The following SHF variants were observed in gnomAD, a reference collection of about 807,000 sequenced individuals.
SHF encodes the protein Src homology 2 domain containing F, also known as SH2 domain-containing adapter protein F.
A neutral mutation model predicts 42.4 loss-of-function variants in SHF; 30 were observed. The ratio of observed to expected loss-of-function variants is 0.71; its 90% confidence interval spans 0.53 to 0.96. The LOEUF (loss-of-function observed/expected upper bound fraction) is 0.96. Among genes scored for constraint, SHF ranks in the 40% least tolerant of loss-of-function variants. The pLI, the probability that SHF is intolerant of heterozygous loss-of-function variation, is 0.00. For missense variants in SHF, 598 were observed against 634.0 expected (o/e 0.94, Z 0.61); for synonymous variants, 264 against 269.9 (o/e 0.98, Z 0.21).
At chr15:45,189,495 G>A (rs1360977414), upstream of SHF, among the ~76,000 whole-genome samples, 1 of 146,114 alleles carries the variant, frequency 6.8e-6, no homozygotes, top group African/African-American at 2.5e-5. Context: ...TTCAAGCAAT[G>A]CTCCCAGCTC....
chr15:45,179,883 A>T (rs1898033366), intron 1 of SHF, among the ~76,000 whole-genome samples: 1 of 152,162 alleles, frequency 6.6e-6, no homozygotes, highest in South Asian at 2.1e-4. Context: ...GGTTAGAGCA[A>T]CTGGGAATGG....
At chr15:45,176,462 G>A (rs918034058) in intron 2 of SHF, among the ~76,000 whole-genome samples, 2 of 151,332 alleles carry the variant, frequency 1.3e-5, no homozygotes, top group African/African-American at 2.4e-5. Context: ...TCCTCCCCAC[G>A]GACCCGGCAA....
Position 45,187,919 on chromosome 15 carries a change from G to A in SHF, c.33C>T (p.Ser11=), listed in dbSNP as rs1898550104. ...TCCCCTGCGTTCGCGGCCCCGGGCG[G>A]GAGCCAGCCGGAGGAGCTCCGCTCA... MLLSGAPPAG[S]RPGPRTQGSA... is the part of the protein sequence containing the mutation. Residue 11 remains serine (S), a synonymous_variant, in exon 1 of 7, where the codon TCC becomes TCT. Transcript: ENST00000690270. 1 of 1,185,668 alleles carries A rather than the reference G, an allele frequency of 8.4e-7. No homozygotes were observed. The highest frequency in any genetic ancestry group is 4.3e-5 in the South Asian group (1 of 23,342). 73.4% of individuals were successfully genotyped at this position (1,185,668 alleles called of 1,614,324 possible). A position where few individuals can be genotyped will look rare whatever the true frequency, so the allele number is the denominator to read the frequency against.
intron 2 of SHF, among the ~76,000 whole-genome samples, chr15:45,176,428 T>C (rs1648306): frequency 0.72 from 108,922 of 150,404 alleles, 42,195 homozygotes; most frequent in Non-Finnish European, 0.88. Flanking sequence ...TTCTCCAAAA[T>C]GACTATTGGA....
exon 1 of SHF, chr15:45,201,057 T>A (rs1382173839): frequency 2.9e-6 from 1 of 347,492 alleles, no homozygotes; most frequent in Non-Finnish European, 5.7e-6. Flanking sequence ...AGGAACCTGG[T>A]AGATAATGGA....
chr15:45,200,301 T>G (rs546464716), intron 1 of SHF: 2 of 167,846 alleles, frequency 1.2e-5, no homozygotes, highest in African/African-American at 4.7e-5. Context: ...AACGTCGCTC[T>G]CAAATGTCAC....
At position 45,172,257 on chromosome 15, in the gene SHF, T is replaced by C. The variant is rs145879001; in HGVS notation, c.1050A>G (p.Leu350=). Residue 350 remains leucine, a synonymous_variant, in exon 5 of 7, where the codon CTA becomes CTG. Coordinates refer to ENST00000690270, the MANE Select transcript of SHF (RefSeq NM_001394037.1). ...GGTTCCCTGCAGAGAGTCGGGGAGG[T>C]AGCCGCCCCTTCTCCTCCCGGCCAG... ...LSPGREEKGR[L]PPRLSAGNPK... is the part of the protein sequence containing the mutation. 6.2e-7 allele frequency: 1 copy of C among 1,612,868 alleles called. No individual in the cohort carries two copies. The highest frequency in any genetic ancestry group is 1.3e-5 in the African/African-American group (1 of 74,740).
At chr15:45,198,804 T>A (rs750863023) in exon 2 of SHF, 1 of 1,613,854 alleles carries the variant, frequency 6.2e-7, no homozygotes, top group Non-Finnish European at 8.5e-7. Context: ...CTGAGTCTGA[T>A]AATGCGCAGG....
At chr15:45,197,175 C>A (rs747662714) in intron 2 of SHF, among the ~76,000 whole-genome samples, 5 of 148,844 alleles carry the variant, frequency 3.4e-5, no homozygotes, top group Admixed American at 6.8e-5. Context: ...TTGCTTGAGG[C>A]CAGTTCCAGG....
At chr15:45,200,685 C>A in intron 1 of SHF, 1 of 455,268 alleles carries the variant, frequency 2.2e-6, no homozygotes. Flanking sequence ...ACACGGTGGC[C>A]GATTTCTCCA....
chr15:45,187,716 G>T lies in SHF; in HGVS notation c.236C>A (p.Pro79His). The T allele has an allele frequency of 9.1e-7, 1 of 1,099,952 alleles. No homozygotes were observed. The highest frequency in any genetic ancestry group is 1.1e-6 in the Non-Finnish European group (1 of 870,146). The allele number at this position is 1,099,952 out of a possible 1,614,324, so 68.1% of individuals were successfully genotyped here. A position where few individuals can be genotyped will look rare whatever the true frequency, so the allele number is the denominator to read the frequency against. ...PAPPEPDYRPPAPSPAAPPAP... is the reference protein window; with the variant it reads ...PAPPEPDYRPHAPSPAAPPAP... ...GGGGGGCGCGGCCGGAGAGGGCGCA[G>T]GGGGGCGGTAGTCGGGCTCGGGGGG... is the stretch of plus-strand genomic sequence containing the variant. The change falls in exon 1 of 7, where the codon CCT becomes CAT. Residue 79 changes from proline to histidine, a missense_variant. Physicochemically the swap from Pro to His is moderately conservative, Grantham distance 77. Transcript: ENST00000690270.
chr15:45,167,979 G>A lies in SHF; in HGVS notation c.1435C>T (p.Leu479=). The change falls in exon 7 of 7, where the codon CTG becomes TTG. Residue 479 remains leucine, a synonymous_variant. Coordinates refer to ENST00000690270, the MANE Select transcript of SHF (RefSeq NM_001394037.1). ...GTCCGGATGGCCACAGGGTAGAGCAGGGACATGTGTTCGGCTCCCTTAATG... is the reference window on the plus strand; with the variant it reads ...GTCCGGATGGCCACAGGGTAGAGCAAGGACATGTGTTCGGCTCCCTTAATG... ...LPIKGAEHMS[L]LYPVAIRTL 2 of 1,612,628 alleles carry A rather than the reference G, an allele frequency of 1.2e-6. No individual in the cohort carries two copies. Among genetic ancestry groups the A allele is most frequent in the Non-Finnish European group, 1.7e-6 (2 of 1,179,182 alleles).
At chr15:45,183,504 T>C (rs559550997) in intron 1 of SHF, among the ~76,000 whole-genome samples, 1 of 152,346 alleles carries the variant, frequency 6.6e-6, no homozygotes, top group East Asian at 1.9e-4. Context: ...GGCACCAGGC[T>C]CTGGGGGCAC....
Position 45,172,152 on chromosome 15 carries a change from G to C in SHF, c.1155C>G (p.Asn385Lys). The C allele has an allele frequency of 6.2e-7, 1 of 1,613,890 alleles. No homozygotes were observed. The highest frequency in any genetic ancestry group is 1.3e-5 in the African/African-American group (1 of 75,014). Residue 385 changes from asparagine (N) to lysine (K), a missense_variant, in exon 5 of 7, where the codon AAC becomes AAG. By Grantham distance (94) the Asn-to-Lys change is moderately conservative. Coordinates refer to ENST00000690270, the MANE Select transcript of SHF (RefSeq NM_001394037.1). ...AGCTGGACACAGACACTCACACCTG[G>C]TTTTCCAGAGGCAGTGCTGGATCTG... is the stretch of plus-strand genomic sequence containing the variant. ...EWTDPALPLENQVWYHGAISR... is the reference protein window; with the variant it reads ...EWTDPALPLEKQVWYHGAISR...
At chr15:45,168,371 A>T (rs1897318452) in intron 6 of SHF, among the ~76,000 whole-genome samples, 1 of 152,156 alleles carries the variant, frequency 6.6e-6, no homozygotes, top group African/African-American at 2.4e-5. Context: ...GAATGTGTGT[A>T]TAGGGAGCAT....
At chr15:45,170,281 T>A (rs907754169) in intron 6 of SHF, 18 of 1,113,730 alleles carry the variant, frequency 1.6e-5, no homozygotes, top group Non-Finnish European at 2.1e-5. Context: ...TTGAATTTAT[T>A]TTCTGTCTAT....
chr15:45,189,823 T>C (rs1263013770), upstream of SHF, among the ~76,000 whole-genome samples: 1 of 152,078 alleles, frequency 6.6e-6, no homozygotes, highest in Non-Finnish European at 1.5e-5. Flanking sequence ...TCTCAAAATA[T>C]TTGTTGAGTT....
In SHF at chr15:45,198,586, C is replaced by A. The variant is rs962646247; in HGVS notation, c.303+186G>T. ...GGGGAAAAAAATACCGAGCCCCTTG[C>A]CGTGCCATTGTTCCCACAATGCCGT... On this transcript the variant is annotated intron_variant, in intron 2 of 7. Coordinates refer to the SHF transcript ENST00000290894. The A allele has an allele frequency of 4.9e-6, 3 of 607,172 alleles. No individual in the cohort carries two copies. In the African/African-American group the frequency reaches 5.5e-5, roughly 11 times the overall value. The allele number at this position is 607,172 out of a possible 1,614,324, so 37.6% of individuals were successfully genotyped here. A position where few individuals can be genotyped will look rare whatever the true frequency, so the allele number is the denominator to read the frequency against.
intron 1 of SHF, among the ~76,000 whole-genome samples, chr15:45,182,197 G>T (rs1231336606): frequency 6.6e-6 from 1 of 152,220 alleles, no homozygotes; most frequent in Non-Finnish European, 1.5e-5. Context: ...GCTCCAGAGG[G>T]TGTGGATCCA....
Sources: allele counts gnomAD v4.1 joint callset (sites outside exome capture counted in the v4.1 genomes callset), GRCh38; gene constraint gnomAD v4.1.1; transcripts MANE v1.5; gene names NCBI Gene and HGNC (gene_info 2026-07-23, HGNC 2026-07-21).